TLCD4: variants seen among roughly 807,000 people sequenced by gnomAD.
The protein encoded by TLCD4 is TLC domain containing 4, also known as TLC domain-containing protein 4.
A neutral mutation model predicts 24.2 loss-of-function variants in TLCD4; 7 were observed. The ratio of observed to expected loss-of-function variants is 0.29; its 90% CI spans 0.16 to 0.54. The LOEUF is 0.54. TLCD4 is among the 20% of genes least tolerant of loss of function. The pLI, the probability that TLCD4 is intolerant of heterozygous loss-of-function variation, is 0.95. For missense variants in TLCD4, 259 were observed against 313.9 expected, an observed-to-expected ratio of 0.82 and a Z score of 1.32; for synonymous variants, 103 against 106.4, an observed-to-expected ratio of 0.97 and a Z score of 0.20.
At chr1:95,160,127 C>T (rs1328110187) in intron 5 of TLCD4, among the ~76,000 whole-genome samples, 2 of 152,176 alleles carry the variant, frequency 1.3e-5, no homozygotes, top group Non-Finnish European at 2.9e-5. Context: ...ATTGATTCTT[C>T]CTACACATGA....
chr1:95,113,014 C>A (rs143910230), upstream of TLCD4, among the ~76,000 whole-genome samples: 15 of 151,902 alleles, frequency 9.9e-5, no homozygotes, highest in East Asian at 2.7e-3. Context: ...CTGCATCCAA[C>A]CTTAGCTACA....
intron 6 of TLCD4, among the ~76,000 whole-genome samples, chr1:95,185,467 C>T (rs1678799199): frequency 6.6e-6 from 1 of 152,086 alleles, no homozygotes; most frequent in Non-Finnish European, 1.5e-5. Context: ...TGTATGAGTC[C>T]ACTGACACAT....
chr1:95,125,045 G>A (rs1035990788), intron 1 of TLCD4, among the ~76,000 whole-genome samples: 3 of 152,188 alleles, frequency 2.0e-5, no homozygotes, highest in African/African-American at 7.2e-5. Flanking sequence ...TCTACCAGGT[G>A]GGTCAGCTTG....
At chr1:95,104,491 C>T in the TLCD4 span, among the ~76,000 whole-genome samples, 1 of 151,476 alleles carries the variant, frequency 6.6e-6, no homozygotes, top group Admixed American at 6.6e-5. Context: ...AATGAAACCC[C>T]ATCTCTACTA....
chr1:95,175,067 C>T (rs936982045), intron 6 of TLCD4, among the ~76,000 whole-genome samples: 7 of 152,172 alleles, frequency 4.6e-5, no homozygotes, highest in Non-Finnish European at 8.8e-5. Flanking sequence ...TGAGCCACTG[C>T]GCCTGGCCCA....
the TLCD4 span, among the ~76,000 whole-genome samples, chr1:95,099,007 C>T: frequency 2.7e-4 from 38 of 140,374 alleles, no homozygotes; most frequent in African/African-American, 6.3e-4. Context: ...GAGCCGAGAT[C>T]GTGCCATTGC....
chr1:95,109,960 C>T, the TLCD4 span, among the ~76,000 whole-genome samples: 6 of 124,074 alleles, frequency 4.8e-5, no homozygotes, highest in Non-Finnish European at 6.7e-5. Flanking sequence ...TATATATATA[C>T]ACACACACAA....
intron 6 of TLCD4, among the ~76,000 whole-genome samples, chr1:95,182,715 C>T (rs528582000): frequency 1.6e-4 from 24 of 151,984 alleles, no homozygotes; most frequent in African/African-American, 5.8e-4. Context: ...TCTTGAAGAC[C>T]TCCCAAAAAG....
rs1258323561 is a variant in TLCD4 at position 95,195,863 on chromosome 1, A to G, written c.*3995A>G. On this transcript the variant is annotated 3_prime_UTR_variant, in exon 7 of 7. Transcript: ENST00000370203. ...AGAAGTATTCTCTTTGAATCCTTCC[A>G]TCTCTTCCTCCTGGTACACCAGATG... is the stretch of plus-strand genomic sequence containing the variant. 6.6e-6 allele frequency: 1 copy of G among 152,196 alleles called. No homozygotes were observed. Among genetic ancestry groups the G allele is most frequent in the African/African-American group, 2.4e-5 (1 of 41,452 alleles). The allele number at this position is 152,196 out of a possible 1,614,324, so 9.4% of individuals were successfully genotyped here.
chr1:95,155,879 T>A (rs956086277), intron 5 of TLCD4, among the ~76,000 whole-genome samples: 3 of 151,846 alleles, frequency 2.0e-5, no homozygotes, highest in African/African-American at 7.3e-5. Flanking sequence ...GAATGAGTGG[T>A]TTCAATTAGG....
At chr1:95,123,026 C>A (rs560924261) in intron 1 of TLCD4, among the ~76,000 whole-genome samples, 2 of 151,728 alleles carry the variant, frequency 1.3e-5, no homozygotes, top group Admixed American at 1.3e-4. Context: ...CCAGGCTGGT[C>A]TTGAACTCCT....
rs146240821 is a variant in TLCD4, at chr1:95,186,867, A to G, written c.474-4683A>G. On this transcript the variant is annotated intron_variant, in intron 6 of 6. Transcript: ENST00000370203. ...AAATGTAATACATCTCTCATCCTAT[A>G]TAAATTATTTGATATTTTAATCACT... Among the ~76,000 whole-genome samples the G allele has an allele frequency of 3.5e-4, 54 of 152,346 alleles. 1 individual carries two copies. In the East Asian group the frequency reaches 9.6e-3, roughly 27 times the overall value.
rs1454452700 is a variant in TLCD4 at position 95,196,368 on chromosome 1, A to G, written c.*4500A>G. The G allele has an allele frequency of 6.6e-6, 1 of 152,186 alleles. No homozygotes were observed. Among genetic ancestry groups the G allele is most frequent in the Non-Finnish European group, 1.5e-5 (1 of 68,028 alleles). 9.4% of individuals were successfully genotyped at this position (152,186 alleles called of 1,614,324 possible). On this transcript the variant is annotated 3_prime_UTR_variant, in exon 7 of 7. Transcript: ENST00000370203. ...ATTTTAGAGTCCTGCTCTTTAGGGAAAACTTTGCTATGGTAATGTTTCTTT... is the reference window on the plus strand; with the variant it reads ...ATTTTAGAGTCCTGCTCTTTAGGGAGAACTTTGCTATGGTAATGTTTCTTT...
intron 5 of TLCD4, among the ~76,000 whole-genome samples, chr1:95,158,494 C>CATTTATTT (rs71097251): frequency 1.5e-4 from 23 of 150,636 alleles, no homozygotes; most frequent in Middle Eastern, 3.4e-3. Context: ...CTTGATACTT[C>CATTTATTT]ATTTATTTAT....
chr1:95,155,311 T>G (rs1358063540), intron 5 of TLCD4, among the ~76,000 whole-genome samples: 5 of 152,082 alleles, frequency 3.3e-5, no homozygotes, highest in African/African-American at 1.2e-4. Flanking sequence ...CTCACAGTCA[T>G]GCAGAGGCCA....
intron 1 of TLCD4, 45 bp from the exon 2 acceptor site, chr1:95,143,846 G>A: frequency 2.3e-6 from 3 of 1,322,888 alleles, no homozygotes; most frequent in Non-Finnish European, 2.9e-6. Context: ...ATTACTCTAG[G>A]TTTATTATGA....
At chr1:95,132,229 T>C (rs1571729526) in intron 1 of TLCD4, among the ~76,000 whole-genome samples, 1 of 151,818 alleles carries the variant, frequency 6.6e-6, no homozygotes, top group Non-Finnish European at 1.5e-5. Context: ...CCAAGGTGGG[T>C]GGATCACTAG....
intron 1 of TLCD4, among the ~76,000 whole-genome samples, chr1:95,141,774 A>G (rs1677202373): frequency 6.9e-6 from 1 of 145,404 alleles, no homozygotes; most frequent in Admixed American, 7.1e-5. Flanking sequence ...GAATTGTAAT[A>G]TCAATATTTT....
intron 5 of TLCD4, among the ~76,000 whole-genome samples, chr1:95,172,353 T>C (rs1678259236): frequency 6.6e-6 from 1 of 152,230 alleles, no homozygotes; most frequent in Non-Finnish European, 1.5e-5. Context: ...AACAGAAAAC[T>C]AGTATAGAAT....
Sources: allele counts gnomAD v4.1 joint callset (sites outside exome capture counted in the v4.1 genomes callset), GRCh38; gene constraint gnomAD v4.1.1; transcripts MANE v1.5; gene names NCBI Gene and HGNC (gene_info 2026-07-23, HGNC 2026-07-21).